The following CSMD2 variants were observed in gnomAD, a reference collection of about 807,000 sequenced individuals.
The protein encoded by CSMD2 is CUB and Sushi multiple domains 2.
CSMD2 carries 130 observed loss-of-function variants against 398.5 expected under a neutral mutation model. The observed-to-expected ratio is 0.33, with a 90% CI of 0.28 to 0.38. CSMD2 has a LOEUF of 0.38. Among genes scored for constraint, CSMD2 ranks in the 10% least tolerant of loss-of-function variants. The pLI, the probability that CSMD2 is intolerant of heterozygous loss-of-function variation, is 1.00. For missense variants in CSMD2, 3,829 were observed against 4,764.9 expected (o/e 0.80, Z 5.78); for synonymous variants, 1,828 against 1,908.5 (o/e 0.96, Z 1.10).
At chr1:34,162,090 T>C (rs1020945441) in intron 1 of CSMD2, among the ~76,000 whole-genome samples, 1 of 149,188 alleles carries the variant, frequency 6.7e-6, no homozygotes, top group African/African-American at 2.5e-5. Flanking sequence ...GAGAATCACT[T>C]GAACCCGGGA....
chr1:33,869,269 A>G (rs1463573097), intron 5 of CSMD2: 1 of 152,258 alleles, frequency 6.6e-6, no homozygotes, highest in Non-Finnish European at 1.5e-5. Flanking sequence ...GATTGCAAGA[A>G]AGAAGACACC....
At chr1:33,925,560 G>GT (rs1644098921) in intron 4 of CSMD2, among the ~76,000 whole-genome samples, 1 of 152,046 alleles carries the variant, frequency 6.6e-6, no homozygotes, top group Non-Finnish European at 1.5e-5. Flanking sequence ...TTTTAGGATT[G>GT]TTTTTTCTAT....
At chr1:33,538,411 A>G (rs948395774) in intron 60 of CSMD2, among the ~76,000 whole-genome samples, 1 of 152,242 alleles carries the variant, frequency 6.6e-6, no homozygotes, top group Admixed American at 6.5e-5. Context: ...TACCAAAGGC[A>G]AAGCTCACCA....
intron 5 of CSMD2, among the ~76,000 whole-genome samples, chr1:33,909,181 G>C (rs539046763): frequency 1.3e-5 from 2 of 152,280 alleles, no homozygotes; most frequent in East Asian, 1.9e-4. Context: ...CATTCAAAGA[G>C]GAAACCTCAG....
chr1:33,964,744 A>G (rs563172251), intron 3 of CSMD2, among the ~76,000 whole-genome samples: 125 of 152,002 alleles, frequency 8.2e-4, no homozygotes, highest in African/African-American at 2.8e-3. Flanking sequence ...CTGGCCCTAG[A>G]TGGTTGAGGG....
chr1:33,995,542 G>C (rs1373250258), intron 3 of CSMD2, among the ~76,000 whole-genome samples: 1 of 152,160 alleles, frequency 6.6e-6, no homozygotes, highest in African/African-American at 2.4e-5. Context: ...ACCGGCCTCT[G>C]GGTCAAGACC....
intron 6 of CSMD2, among the ~76,000 whole-genome samples, chr1:33,842,024 T>C (rs1660901259): frequency 6.6e-6 from 1 of 152,118 alleles, no homozygotes; most frequent in South Asian, 2.1e-4. Flanking sequence ...CACTAGATAG[T>C]CTCCCAATCC....
At chr1:33,560,127 G>A (rs938165855) in intron 53 of CSMD2, among the ~76,000 whole-genome samples, 6 of 152,072 alleles carry the variant, frequency 3.9e-5, no homozygotes, top group African/African-American at 7.2e-5. Flanking sequence ...CAATGTTCTC[G>A]GCTGCTCTCA....
At chr1:33,909,915 C>A (rs1050630316) in intron 5 of CSMD2, among the ~76,000 whole-genome samples, 2 of 152,168 alleles carry the variant, frequency 1.3e-5, no homozygotes, top group Non-Finnish European at 2.9e-5. Flanking sequence ...GCTGGAGAGA[C>A]CAATGGGCAT....
Position 33,518,134 on chromosome 1 carries a change from C to A in CSMD2, c.*53+1331G>T, listed in dbSNP as rs766577710. ...CTACCTGGCTGGCTCTGTGACTCTT[C>A]TCCCCAGAGTCCTTCAGCACAGGAC... is the stretch of plus-strand genomic sequence containing the variant. On this transcript the variant is annotated intron_variant, in intron 70 of 70. Coordinates refer to ENST00000373381, the MANE Select transcript of CSMD2 (RefSeq NM_001281956.2). The surrounding 1 kb of genome is among the most constrained non-coding windows in gnomAD (Gnocchi z 4.3). Among the ~76,000 whole-genome samples the A allele has an allele frequency of 1.3e-4, 20 of 152,276 alleles. 1 individual carries two copies. Among genetic ancestry groups the A allele is most frequent in the Non-Finnish European group, 2.1e-4 (14 of 68,052 alleles).
At chr1:34,134,260 C>T (rs1441720290) in intron 1 of CSMD2, among the ~76,000 whole-genome samples, 1 of 152,022 alleles carries the variant, frequency 6.6e-6, no homozygotes, top group Non-Finnish European at 1.5e-5. Flanking sequence ...TAAATCTCAA[C>T]CCATTATAGT....
intron 3 of CSMD2, among the ~76,000 whole-genome samples, chr1:33,974,731 A>G (rs1645898907): frequency 6.6e-6 from 1 of 152,314 alleles, no homozygotes; most frequent in South Asian, 2.1e-4. Context: ...GTGTTTGAGC[A>G]TGAGCTTGAA....
intron 1 of CSMD2, among the ~76,000 whole-genome samples, chr1:34,103,721 G>C (rs936194466): frequency 6.6e-6 from 1 of 151,492 alleles, no homozygotes; most frequent in African/African-American, 2.4e-5. Context: ...TTAGGTTGGT[G>C]CAAAGGTAAT....
intron 12 of CSMD2, among the ~76,000 whole-genome samples, chr1:33,774,352 A>AGGGAT (rs1180697157): frequency 6.6e-6 from 1 of 152,126 alleles, no homozygotes; most frequent in Non-Finnish European, 1.5e-5. Context: ...GCTCAGGCTC[A>AGGGAT]GGGATGGGGG....
intron 37 of CSMD2, among the ~76,000 whole-genome samples, chr1:33,620,325 G>A (rs1281603925): frequency 6.6e-6 from 1 of 152,116 alleles, no homozygotes; most frequent in Non-Finnish European, 1.5e-5. Context: ...GCTCTTTGTA[G>A]ATTATCCTAC....
chr1:33,617,546 C>A lies in CSMD2; in HGVS notation c.5899G>T (p.Val1967Leu), dbSNP rs200777066. The A allele has an allele frequency of 6.2e-7, 1 of 1,614,126 alleles. No homozygotes were observed. Among genetic ancestry groups the A allele is most frequent in the Non-Finnish European group, 8.5e-7 (1 of 1,180,010 alleles). ...CACTGGAAAGACACCACATCATTCA[C>A]CAAGTAGCGCTCGCCAGTCTTCACC... Reference protein sequence around the residue: ...NGVKTGERYLVNDVVSFQCEP... With the variant: ...NGVKTGERYLLNDVVSFQCEP... The change falls in exon 38 of 71, where the codon GTG becomes TTG. Residue 1967 changes from valine to leucine, a missense_variant. By Grantham distance (32) the Val-to-Leu change is conservative. Transcript: ENST00000373381.
chr1:34,116,668 C>T (rs1192903367), intron 1 of CSMD2, among the ~76,000 whole-genome samples: 1 of 152,046 alleles, frequency 6.6e-6, no homozygotes, highest in East Asian at 1.9e-4. Context: ...ATCTAGAATA[C>T]CCTACCCAAC....
At chr1:33,976,278 G>A (rs1645959865) in intron 3 of CSMD2, among the ~76,000 whole-genome samples, 1 of 152,214 alleles carries the variant, frequency 6.6e-6, no homozygotes, top group Non-Finnish European at 1.5e-5. Flanking sequence ...GCAGATGATT[G>A]AGGACTTGGT....
intron 7 of CSMD2, 32 bp from the exon 8 acceptor site, chr1:33,820,588 A>G: frequency 2.2e-6 from 2 of 917,864 alleles, no homozygotes; most frequent in Non-Finnish European, 3.2e-6. Context: ...AAAAAAAAAA[A>G]CAGCACACAC....
Sources: gnomAD v4.1 joint callset for allele counts (sites outside exome capture counted in the v4.1 genomes callset) on GRCh38, gnomAD v4.1.1 for gene constraint, Gnocchi (gnomAD v3.1) non-coding constraint, MANE v1.5 for transcripts, NCBI Gene and HGNC (gene_info 2026-07-23, HGNC 2026-07-21) for gene names.